RAPGEF3: variants seen among roughly 807,000 people sequenced by gnomAD.
RAPGEF3 encodes the protein 9330170P05Rik.
A neutral mutation model predicts 129.8 loss-of-function variants in RAPGEF3; 103 were observed. The observed-to-expected ratio is 0.79, with a 90% CI of 0.68 to 0.93. RAPGEF3 has a LOEUF of 0.93. Ranked by LOEUF, RAPGEF3 falls within the 40% of genes least tolerant of loss-of-function variation. The pLI is 0.00. For missense variants in RAPGEF3, 1,117 were observed against 1,207.4 expected, an observed-to-expected ratio of 0.93 and a Z score of 1.11; for synonymous variants, 436 against 482.6, an observed-to-expected ratio of 0.90 and a Z score of 1.26.
rs992618972 is a variant in RAPGEF3 at position 47,736,013 on chromosome 12, C to A, written c.*1554G>T. 4 of 152,338 alleles carry A rather than the reference C, an allele frequency of 2.6e-5. No homozygotes were observed. Among genetic ancestry groups the A allele is most frequent in the African/African-American group, 9.6e-5 (4 of 41,466 alleles). 9.4% of individuals were successfully genotyped at this position (152,338 alleles called of 1,614,324 possible). The stretch of plus-strand genomic sequence containing the variant: ...GCCCTCAACTGAGGCGAGGCTGCCC[C>A]CCTACCAGGCCTGGATAGCACAGGA... On this transcript the variant is annotated 3_prime_UTR_variant, in exon 28 of 28. Coordinates refer to ENST00000449771, the MANE Select transcript of RAPGEF3 (RefSeq NM_001098531.4).
At chr12:47,747,044 A>T (rs73304406) in intron 15 of RAPGEF3, 145 bp from the exon 16 acceptor site, 1 of 773,640 alleles carries the variant, frequency 1.3e-6, no homozygotes, top group Admixed American at 3.2e-5. Flanking sequence ...TAAAGAGGGG[A>T]GAACACGGTC....
chr12:47,740,712 C>T lies in RAPGEF3; in HGVS notation c.2161G>A (p.Glu721Lys), dbSNP rs144047493. The T allele has an allele frequency of 7.3e-5, 118 of 1,613,944 alleles. No individual in the cohort carries two copies. Among genetic ancestry groups the T allele is most frequent in the Admixed American group, 6.7e-5 (4 of 60,032 alleles). The change falls in exon 21 of 28, where the codon GAG becomes AAG. Residue 721 changes from glutamate (E) to lysine (K), a missense_variant. Physicochemically the swap from Glu to Lys is moderately conservative, Grantham distance 56. Coordinates refer to ENST00000449771, the MANE Select transcript of RAPGEF3 (RefSeq NM_001098531.4). Reference protein sequence around the residue: ...FNELQYWVATELCLCPVPGPR... With the variant: ...FNELQYWVATKLCLCPVPGPR... ...CCGGGCACGGGGCAGAGACACAGCT[C>T]GGTGGCCACCCAGTACTGCAGCTCA... is the stretch of plus-strand genomic sequence containing the variant.
intron 15 of RAPGEF3, 107 bp downstream of exon 15, chr12:47,747,437 G>T: frequency 9.0e-7 from 1 of 1,111,298 alleles, no homozygotes; most frequent in Non-Finnish European, 1.3e-6. Flanking sequence ...GAAGTAAGTG[G>T]TGCAGCCTGG....
intron 11 of RAPGEF3, 80 bp from the exon 12 acceptor site, chr12:47,748,622 C>T: frequency 7.6e-7 from 1 of 1,322,240 alleles, no homozygotes; most frequent in South Asian, 1.2e-5. Flanking sequence ...TAATCAATTA[C>T]ATCATTTTTC....
At position 47,738,052 on chromosome 12, in the gene RAPGEF3, C is replaced by T. The variant is rs767541828; in HGVS notation, c.2623G>A (p.Glu875Lys). 6.2e-6 allele frequency: 10 copies of T among 1,612,518 alleles called. No individual in the cohort carries two copies. Among genetic ancestry groups the T allele is most frequent in the Admixed American group, 5.0e-5 (3 of 59,962 alleles). ...PLRSRVSHLH[E>K]DSQVARISTC... The stretch of plus-strand genomic sequence containing the variant: ...GAAATCCTCGCCACCTGGCTGTCCT[C>T]GTGGAGGTGGGAAACTCGGCTTCTG... The change falls in exon 27 of 28, where the codon GAG becomes AAG. Residue 875 changes from glutamate to lysine, a missense_variant. By Grantham distance (56) the Glu-to-Lys change is moderately conservative (BLOSUM62 1). Around this residue, in one of 3 missense-constraint regions of RAPGEF3, gnomAD observed 643 missense variants for 673.4 expected, o/e 0.95. Transcript: ENST00000449771.
chr12:47,741,065 G>A (rs1331066243), intron 19 of RAPGEF3, 25 bp from the exon 20 acceptor site: 7 of 1,608,720 alleles, frequency 4.4e-6, no homozygotes, highest in African/African-American at 1.3e-5. Flanking sequence ...GTGCTCAGGG[G>A]GCTGCCTGAG....
At position 47,741,446 on chromosome 12, in the gene RAPGEF3, C is replaced by A; in HGVS notation, c.1923+59G>T. 3 of 1,503,338 alleles carry A rather than the reference C, an allele frequency of 2.0e-6. No homozygotes were observed. In the South Asian group the frequency reaches 3.4e-5, roughly 17 times the overall value. The allele number at this position is 1,503,338 out of a possible 1,614,324, so 93.1% of individuals were successfully genotyped here. A position where few individuals can be genotyped will look rare whatever the true frequency, so the allele number is the denominator to read the frequency against. ...CCCTGGGACCCTCCCCAGAATCCAC[C>A]ACTGCCACACTCAAAATAGATCTCC... is the stretch of plus-strand genomic sequence containing the variant. On this transcript the variant is annotated intron_variant, in intron 19 of 27. Coordinates refer to ENST00000449771, the MANE Select transcript of RAPGEF3 (RefSeq NM_001098531.4).
Position 47,748,829 on chromosome 12 carries a change from C to G in RAPGEF3, c.1144G>C (p.Gly382Arg), listed in dbSNP as rs182215210. The change falls in exon 11 of 28, where the codon GGC (glycine) becomes CGC (arginine). Residue 382 changes from glycine to arginine, a missense_variant. Physicochemically the swap from Gly to Arg is moderately radical, Grantham distance 125 (BLOSUM62 -2). Transcript: ENST00000449771. ...GAGPSRPPTPGRNRYTVMSGT... is the reference protein window; with the variant it reads ...GAGPSRPPTPRRNRYTVMSGT... ...TGGCAGGTGTATTACCGGTTCCTGC[C>G]TGGGGTTGGGGGTCGGGAAGGGCCG... 160 of 1,611,394 alleles carry G rather than the reference C, an allele frequency of 9.9e-5. 1 individual carries two copies. In the East Asian group the frequency reaches 3.3e-3, roughly 33 times the overall value.
chr12:47,744,378 C>T (rs1289351514), intron 16 of RAPGEF3: 2 of 359,236 alleles, frequency 5.6e-6, no homozygotes, highest in African/African-American at 2.1e-5. Context: ...CTTTGGTTTT[C>T]TCTTCCTTTT....
intron 19 of RAPGEF3, 115 bp from the exon 20 acceptor site, chr12:47,741,155 G>T: frequency 7.6e-7 from 1 of 1,307,858 alleles, no homozygotes. Flanking sequence ...GGGTTAGGAG[G>T]GCAGGAGTGG....
chr12:47,749,045 A>ATGG lies in RAPGEF3; in HGVS notation c.1042-115_1042-114insCCA. ...CCATGAGGGTCCCACAGGGACCCAC[A>ATGG]GCCCTTCTCCCACCTCCGACTTTGG... On this transcript the variant is annotated intron_variant, in intron 10 of 27. Coordinates refer to ENST00000449771, the MANE Select transcript of RAPGEF3 (RefSeq NM_001098531.4). The surrounding 1 kb of genome is among the most constrained non-coding windows in gnomAD (Gnocchi z 4.5). 2.3e-6 allele frequency: 2 copies of ATGG among 885,974 alleles called. No homozygotes were observed. Among genetic ancestry groups the ATGG allele is most frequent in the Non-Finnish European group, 3.6e-6 (2 of 560,272 alleles). The allele number at this position is 885,974 out of a possible 1,614,324, so 54.9% of individuals were successfully genotyped here.
intron 23 of RAPGEF3, chr12:47,739,914 G>A: frequency 1.7e-6 from 1 of 600,500 alleles, no homozygotes; most frequent in Non-Finnish European, 3.0e-6. Flanking sequence ...CACACTGAGG[G>A]CCAGGATGCA....
At position 47,736,337 on chromosome 12, in the gene RAPGEF3, C is replaced by G. The variant is rs2136717349; in HGVS notation, c.*1230G>C. On this transcript the variant is annotated 3_prime_UTR_variant, in exon 28 of 28. Coordinates refer to ENST00000449771, the MANE Select transcript of RAPGEF3 (RefSeq NM_001098531.4). ...CTGGACGCCCAAGGCCCTGCAGCCT[C>G]AATACCTACTCAGGAGTCATGCCAG... The G allele has an allele frequency of 6.6e-6, 1 of 152,394 alleles. No homozygotes were observed. The highest frequency in any genetic ancestry group is 1.5e-5 in the Non-Finnish European group (1 of 68,076). 9.4% of individuals were successfully genotyped at this position (152,394 alleles called of 1,614,324 possible). A position where few individuals can be genotyped will look rare whatever the true frequency, so the allele number is the denominator to read the frequency against.
intron 1 of RAPGEF3, 186 bp downstream of exon 1, chr12:47,758,365 C>T (rs1942230104): frequency 1.4e-6 from 2 of 1,474,826 alleles, no homozygotes; most frequent in Non-Finnish European, 1.8e-6. Flanking sequence ...GCAGGGATCT[C>T]CACTACCTCC....
chr12:47,755,068 T>A (rs1045252121), intron 2 of RAPGEF3, among the ~76,000 whole-genome samples: 2 of 152,132 alleles, frequency 1.3e-5, no homozygotes, highest in Non-Finnish European at 2.9e-5. Flanking sequence ...GAAGGGTGCA[T>A]GGGGCCGGGA....
At chr12:47,744,556 G>C (rs1941327193) in intron 16 of RAPGEF3, 1 of 174,224 alleles carries the variant, frequency 5.7e-6, no homozygotes. Flanking sequence ...AACTGGCAGA[G>C]TTGGAATCCC....
intron 2 of RAPGEF3, chr12:47,753,948 G>A (rs1178575820): frequency 6.6e-6 from 1 of 152,236 alleles, no homozygotes; most frequent in Non-Finnish European, 1.5e-5. Flanking sequence ...CATGAGCACT[G>A]AGGAAGGGAC....
chr12:47,748,203 T>G (rs1941540310), intron 12 of RAPGEF3, 51 bp from the exon 13 acceptor site: 17 of 1,401,652 alleles, frequency 1.2e-5, no homozygotes, highest in Non-Finnish European at 1.6e-5. Flanking sequence ...CCAAGTCTGC[T>G]GAGCACAGGT....
chr12:47,754,720 C>T (rs1295373936), intron 2 of RAPGEF3, among the ~76,000 whole-genome samples: 1 of 152,142 alleles, frequency 6.6e-6, no homozygotes, highest in Non-Finnish European at 1.5e-5. Context: ...TCATGATGGG[C>T]CCTATTACCA....
Sources: gnomAD v4.1 joint callset for allele counts (sites outside exome capture counted in the v4.1 genomes callset) on GRCh38, gnomAD v4.1.1 for gene constraint, gnomAD v4.1.1 regional missense constraint, Gnocchi (gnomAD v3.1) non-coding constraint, MANE v1.5 for transcripts, NCBI Gene and HGNC (gene_info 2026-07-23, HGNC 2026-07-21) for gene names.